PRDM2: variants seen among roughly 807,000 people sequenced by gnomAD.
PRDM2 encodes PR/SET domain 2, also known as PR domain zinc finger protein 2.
A neutral mutation model predicts 130.0 loss-of-function variants in PRDM2; 30 were observed. The observed-to-expected ratio is 0.23, with a 90% CI of 0.17 to 0.31. The LOEUF is 0.31. Among genes scored for constraint, PRDM2 ranks in the 10% least tolerant of loss-of-function variants. The probability of loss-of-function intolerance (pLI) is 1.00; values close to 1 mark genes in which losing one functional copy is unlikely to be tolerated. For synonymous variants in PRDM2, 871 were observed against 782.4 expected (o/e 1.11, Z -1.89); for missense variants, 2,011 against 2,108.4 (o/e 0.95, Z 0.90).
chr1:13,747,769 CAAAAA>C (rs78988090), intron 5 of PRDM2, among the ~76,000 whole-genome samples: 4 of 48,394 alleles, frequency 8.3e-5, no homozygotes, highest in South Asian at 5.8e-4. Flanking sequence ...TCCCTCCCCG[CAAAAA>C]AAAAAAAAAA....
chr1:13,792,211 A>G (rs564271312), intron 8 of PRDM2, among the ~76,000 whole-genome samples: 40 of 152,356 alleles, frequency 2.6e-4, no homozygotes, highest in African/African-American at 9.1e-4. Context: ...GGAATCCTAC[A>G]TCTACTGAGT....
At chr1:13,725,995 G>C (rs976079782) in intron 2 of PRDM2, among the ~76,000 whole-genome samples, 2 of 152,232 alleles carry the variant, frequency 1.3e-5, no homozygotes, top group African/African-American at 4.8e-5. Flanking sequence ...ACCCTGAAGC[G>C]AGATTGTCTG....
intron 9 of PRDM2, among the ~76,000 whole-genome samples, chr1:13,818,811 A>G (rs1009583622): frequency 1.3e-5 from 2 of 152,116 alleles, no homozygotes; most frequent in Non-Finnish European, 2.9e-5. Flanking sequence ...GCTGGAATTG[A>G]ACCTGTCTCT....
At position 13,764,700 on chromosome 1, in the gene PRDM2, C is replaced by G. The variant is rs188331835; in HGVS notation, c.512-8378C>G. ...CTGCAGAGGCTGTGCAACAGCCCCC[C>G]TGGTGGGAAGCAAGCATTTCAGGAA... On this transcript the variant is annotated intron_variant, in intron 6 of 9. Transcript: ENST00000311066. Among the ~76,000 whole-genome samples, 426 of 152,364 alleles carry G rather than the reference C, an allele frequency of 2.8e-3. 1 individual carries two copies. The highest frequency in any genetic ancestry group is 9.6e-3 in the African/African-American group (398 of 41,590).
intron 8 of PRDM2, among the ~76,000 whole-genome samples, chr1:13,811,700 C>T (rs1451337518): frequency 6.6e-6 from 1 of 152,220 alleles, no homozygotes; most frequent in Non-Finnish European, 1.5e-5. Flanking sequence ...AGCAACTCGA[C>T]AGGCAAGGTG....
chr1:13,754,921 GTTGGTCA>G (rs1643913059), intron 6 of PRDM2, among the ~76,000 whole-genome samples: 1 of 152,158 alleles, frequency 6.6e-6, no homozygotes, highest in African/African-American at 2.4e-5. Context: ...CTGTTTCTGG[GTTGGTCA>G]GTCTTGGAGG....
At chr1:13,719,377 C>G (rs1035080829) in intron 2 of PRDM2, among the ~76,000 whole-genome samples, 2 of 152,196 alleles carry the variant, frequency 1.3e-5, no homozygotes, top group African/African-American at 2.4e-5. Flanking sequence ...TTGGCCCTAT[C>G]AGGGGCTCTG....
At chr1:13,802,190 T>C (rs1284873939) in intron 8 of PRDM2, among the ~76,000 whole-genome samples, 1 of 152,152 alleles carries the variant, frequency 6.6e-6, no homozygotes, top group African/African-American at 2.4e-5. Context: ...CCTTGGCCTT[T>C]GGGCAGCGTC....
chr1:13,790,068 G>A lies in PRDM2; in HGVS notation c.5036+7237G>A, dbSNP rs12068479. 6.3e-3 allele frequency among the ~76,000 whole-genome samples: 911 copies of A among 145,484 alleles called. 6 individuals are homozygous for A. Among genetic ancestry groups the A allele is most frequent in the African/African-American group, 0.021 (861 of 41,402 alleles). ...CAAGCCCTGCCCTTCAACACCGTGG[G>A]TTCCACACTTCACCTGGGGAGCTTG... On this transcript the variant is annotated intron_variant, in intron 8 of 9. Transcript: ENST00000311066.
intron 6 of PRDM2, among the ~76,000 whole-genome samples, chr1:13,768,883 A>G (rs542603731): frequency 9.2e-5 from 14 of 152,344 alleles, no homozygotes; most frequent in Admixed American, 7.8e-4. Flanking sequence ...CCAAGAATGA[A>G]TATACTACAT....
chr1:13,763,358 C>T (rs1644148444), intron 6 of PRDM2, among the ~76,000 whole-genome samples: 1 of 152,194 alleles, frequency 6.6e-6, no homozygotes, highest in African/African-American at 2.4e-5. Context: ...TGAAAGATGT[C>T]TACCAAAAGG....
chr1:13,787,896 G>T (rs974328926), intron 8 of PRDM2: 39 of 983,128 alleles, frequency 4.0e-5, no homozygotes, highest in Non-Finnish European at 4.6e-5. Context: ...AGAGAGAGAG[G>T]TTAATTATAG....
At chr1:13,797,588 G>C (rs1221384996) in intron 8 of PRDM2, among the ~76,000 whole-genome samples, 1 of 152,220 alleles carries the variant, frequency 6.6e-6, no homozygotes, top group Non-Finnish European at 1.5e-5. Flanking sequence ...ACATGGCGAG[G>C]TAAGAGCATT....
intron 6 of PRDM2, among the ~76,000 whole-genome samples, chr1:13,764,292 T>C (rs1331888683): frequency 3.9e-5 from 6 of 152,188 alleles, no homozygotes; most frequent in Admixed American, 3.9e-4. Flanking sequence ...AGTTGCCTCG[T>C]CACTATTTAT....
At chr1:13,767,995 A>G (rs1209874165) in intron 6 of PRDM2, among the ~76,000 whole-genome samples, 2 of 152,146 alleles carry the variant, frequency 1.3e-5, no homozygotes, top group East Asian at 1.9e-4. Context: ...CTCAAAAGAA[A>G]AAGTATGCAT....
At chr1:13,777,332 G>T (rs1273510444) in intron 7 of PRDM2, among the ~76,000 whole-genome samples, 1 of 151,938 alleles carries the variant, frequency 6.6e-6, no homozygotes, top group Non-Finnish European at 1.5e-5. Context: ...GTCACCTAGG[G>T]TTCACTATCT....
intron 8 of PRDM2, among the ~76,000 whole-genome samples, chr1:13,813,333 C>A (rs187639688): frequency 1.3e-5 from 2 of 152,112 alleles, no homozygotes; most frequent in African/African-American, 2.4e-5. Flanking sequence ...CCTTGGTCCT[C>A]GGTATTTAAC....
rs1171167151 is a variant in PRDM2 at position 13,808,451 on chromosome 1, G to A, written c.5037-7976G>A. 3.6e-5 allele frequency among the ~76,000 whole-genome samples: 5 copies of A among 140,116 alleles called. No homozygotes were observed. The East Asian group carries it at 1.1e-3, about 30-fold the overall frequency. 91.9% of individuals were successfully genotyped at this position (140,116 alleles called of 152,430 possible). ...TGCACTCCAGCCTGGGCGACAGAGT[G>A]AGACTCTGTCTCAAAAAAAAAAAAA... On this transcript the variant is annotated intron_variant, in intron 8 of 9. Coordinates refer to ENST00000311066, the MANE Select transcript of PRDM2 (RefSeq NM_001393986.1).
In PRDM2 at chr1:13,779,898, A is replaced by G. The variant is rs771120514; in HGVS notation, c.2103A>G (p.Leu701=). ...AACTTCTTCAAACCCAAGATAAACT[A>G]ACTCCTGCAGGGATTTCAGCAACTG... ...LKQLLQTQDK[L]TPAGISATEI... The change falls in exon 8 of 10, where the codon CTA becomes CTG. Residue 701 remains leucine (L), a synonymous_variant. Transcript: ENST00000311066. This position sits in a 1 kb window ranked among gnomAD's most constrained non-coding sequence, Gnocchi z 4.9. The G allele has an allele frequency of 5.3e-6, 8 of 1,521,386 alleles. No individual in the cohort carries two copies. The Admixed American group carries it at 1.4e-4, about 27-fold the overall frequency. The allele number at this position is 1,521,386 out of a possible 1,614,324, so 94.2% of individuals were successfully genotyped here.
Sources: allele counts gnomAD v4.1 joint callset (sites outside exome capture counted in the v4.1 genomes callset), GRCh38; gene constraint gnomAD v4.1.1; non-coding constraint Gnocchi (gnomAD v3.1); transcripts MANE v1.5; gene names NCBI Gene and HGNC (gene_info 2026-07-23, HGNC 2026-07-21).